Variants in ZNF490 observed in about 807,000 individuals in gnomAD.
ZNF490 encodes the protein zinc finger protein 490.
Under a neutral mutation model 17.7 loss-of-function variants are expected in ZNF490, and 11 were observed. The ratio of observed to expected loss-of-function variants is 0.62; its 90% CI spans 0.39 to 1.03. ZNF490 has a LOEUF of 1.03. Among genes scored for constraint, ZNF490 ranks in the 50% least tolerant of loss-of-function variants. ZNF490 has a pLI of 0.00. For missense variants in ZNF490, 542 were observed against 643.4 expected (o/e 0.84, Z 1.71); for synonymous variants, 222 against 216.1 (o/e 1.03, Z -0.24).
chr19:12,590,623 T>C (rs2022859147), intron 2 of ZNF490, among the ~76,000 whole-genome samples: 1 of 152,196 alleles, frequency 6.6e-6, no homozygotes, highest in Admixed American at 6.5e-5. Context: ...AAGCTGTCTA[T>C]CTGCATATGA....
chr19:12,590,522 C>A (rs1480894362), intron 2 of ZNF490, among the ~76,000 whole-genome samples: 1 of 151,968 alleles, frequency 6.6e-6, no homozygotes, highest in African/African-American at 2.4e-5. Flanking sequence ...GTGCCTGGCC[C>A]CTCTCACCAT....
chr19:12,582,710 A>T, intron 4 of ZNF490, 140 bp downstream of exon 4: 1 of 805,248 alleles, frequency 1.2e-6, no homozygotes, highest in Non-Finnish European at 2.1e-6. Flanking sequence ...GACAGTTTCA[A>T]TGAAACACCT....
At position 12,580,276 on chromosome 19, in the gene ZNF490, C is replaced by G; in HGVS notation, c.*209G>C. ...AGCTTTTCTGTCCATGGAGTCCATT[C>G]ACATATCTGCAATCCCGCAGGAGAG... On this transcript the variant is annotated 3_prime_UTR_variant, in exon 5 of 5. Transcript: ENST00000311437. 1 of 1,344,362 alleles carries G rather than the reference C, an allele frequency of 7.4e-7. No homozygotes were observed. The highest frequency in any genetic ancestry group is 9.5e-7 in the Non-Finnish European group (1 of 1,050,704). The allele number at this position is 1,344,362 out of a possible 1,614,324, so 83.3% of individuals were successfully genotyped here.
At position 12,580,876 on chromosome 19, in the gene ZNF490, T is replaced by G; in HGVS notation, c.1199A>C (p.Asn400Thr). 6.2e-7 allele frequency: 1 copy of G among 1,613,976 alleles called. No individual in the cohort carries two copies. The highest frequency in any genetic ancestry group is 1.3e-5 in the African/African-American group (1 of 75,014). Residue 400 changes from asparagine (N) to threonine (T), a missense_variant, in exon 5 of 5, where the codon AAT becomes ACT. Physicochemically the swap from Asn to Thr is moderately conservative, Grantham distance 65. Transcript: ENST00000311437. ...GTGCAACTGAAGGTAACTTGAAGAA[T>G]TGAAGGCTTTACCACATTGTTTACA... ...YECKQCGKAFNSSSYLQLHER... is the reference protein window; with the variant it reads ...YECKQCGKAFTSSSYLQLHER...
chr19:12,601,096 GA>G (rs561747666), intron 2 of ZNF490, among the ~76,000 whole-genome samples: 8 of 143,260 alleles, frequency 5.6e-5, no homozygotes, highest in East Asian at 4.2e-4. Flanking sequence ...AAAAAAAAAA[GA>G]AAAAAAAAAG....
intron 2 of ZNF490, among the ~76,000 whole-genome samples, chr19:12,592,565 G>C (rs1037509437): frequency 2.6e-5 from 4 of 152,114 alleles, no homozygotes; most frequent in Admixed American, 6.6e-5. Context: ...TTTGGGAAGA[G>C]GGAGGGACTA....
Position 12,581,303 on chromosome 19 carries a change from C to G in ZNF490, c.772G>C (p.Ala258Pro). 1 of 1,613,968 alleles carries G rather than the reference C, an allele frequency of 6.2e-7. No individual in the cohort carries two copies. Among genetic ancestry groups the G allele is most frequent in the African/African-American group, 1.3e-5 (1 of 74,974 alleles). Residue 258 changes from alanine to proline, a missense_variant, in exon 5 of 5, where the codon GCA becomes CCA. Ala to Pro is a conservative substitution (Grantham distance 27). Coordinates refer to ENST00000311437, the MANE Select transcript of ZNF490 (RefSeq NM_020714.3). ...CGAAGAGCAGTGAGATATCTGAATG[C>G]CTTCCCACATTCCTTACATTCATAG... ...TPYECKECGKAFRYLTALRRH... is the reference protein window; with the variant it reads ...TPYECKECGKPFRYLTALRRH...
intron 2 of ZNF490, 69 bp downstream of exon 2, chr19:12,609,086 TAGA>T (rs1221866897): frequency 1.3e-6 from 2 of 1,494,482 alleles, no homozygotes; most frequent in Non-Finnish European, 1.9e-6. Flanking sequence ...AAAGAGGTCA[TAGA>T]AGGACAGACC....
At chr19:12,603,853 G>T (rs898653950) in intron 2 of ZNF490, among the ~76,000 whole-genome samples, 1 of 151,694 alleles carries the variant, frequency 6.6e-6, no homozygotes, top group Non-Finnish European at 1.5e-5. Context: ...GTTCCAGAGT[G>T]ACAGGTGGAA....
intron 2 of ZNF490, among the ~76,000 whole-genome samples, chr19:12,606,507 G>A (rs1269372874): frequency 1.3e-5 from 2 of 151,638 alleles, no homozygotes; most frequent in Non-Finnish European, 2.9e-5. Context: ...ACCATGCCCC[G>A]CTAATTTTTT....
chr19:12,586,535 C>T (rs2022808435), intron 2 of ZNF490, among the ~76,000 whole-genome samples: 1 of 92,916 alleles, frequency 1.1e-5, no homozygotes, highest in South Asian at 2.8e-4. Context: ...AGCCTGTTTA[C>T]CTCAGTTCCT....
chr19:12,602,391 A>C (rs1036531090), intron 2 of ZNF490, among the ~76,000 whole-genome samples: 1 of 152,072 alleles, frequency 6.6e-6, no homozygotes, highest in Non-Finnish European at 1.5e-5. Flanking sequence ...TACCAAAAAA[A>C]TAAAAATAAT....
At position 12,577,875 on chromosome 19, in the gene ZNF490, TAAGAA is replaced by T. The variant is rs550746080; in HGVS notation, c.*2605_*2609del. 4.8e-3 allele frequency: 4,771 copies of T among 985,296 alleles called. 14 individuals are homozygous for T. The highest frequency in any genetic ancestry group is 5.2e-3 in the Non-Finnish European group (4,315 of 829,934). 61.0% of individuals were successfully genotyped at this position (985,296 alleles called of 1,614,324 possible). On this transcript the variant is annotated 3_prime_UTR_variant, in exon 5 of 5. Coordinates refer to ENST00000311437, the MANE Select transcript of ZNF490 (RefSeq NM_020714.3). ...TCCCTTCTAAAACACACTGACTTGC[TAAGAA>T]AAGGGGGGACTGACTCCAACAAAGG...
Position 12,580,545 on chromosome 19 carries a change from G to C in ZNF490, c.1530C>G (p.Ala510=). Residue 510 remains alanine (A), a synonymous_variant, in exon 5 of 5, where the codon GCC becomes GCG. Coordinates refer to ENST00000311437, the MANE Select transcript of ZNF490 (RefSeq NM_020714.3). ...RPFQCRQCGK[A]FSYSKSLHVH... is the part of the protein sequence containing the mutation. Reference sequence around the variant, plus strand: ...CGTGCAAAGACTTTGAGTAACTGAAGGCTTTACCACATTGTCTACACTGAA... The same window carrying C: ...CGTGCAAAGACTTTGAGTAACTGAACGCTTTACCACATTGTCTACACTGAA... 1 of 1,613,496 alleles carries C rather than the reference G, an allele frequency of 6.2e-7. No homozygotes were observed. Among genetic ancestry groups the C allele is most frequent in the Non-Finnish European group, 8.5e-7 (1 of 1,179,772 alleles).
At chr19:12,592,981 A>G (rs996338880) in intron 2 of ZNF490, among the ~76,000 whole-genome samples, 1 of 152,238 alleles carries the variant, frequency 6.6e-6, no homozygotes, top group African/African-American at 2.4e-5. Flanking sequence ...ATTTTATTTT[A>G]GTAAGCCTTT....
Position 12,602,127 on chromosome 19 carries a change from C to CACACACACACAT in ZNF490, c.162+7030_162+7031insATGTGTGTGTGT, listed in dbSNP as rs35798638. Among the ~76,000 whole-genome samples, 927 of 141,958 alleles carry CACACACACACAT rather than the reference C, an allele frequency of 6.5e-3. 17 individuals carry two copies. The highest frequency in any genetic ancestry group is 0.014 in the Admixed American group (192 of 14,070). 93.1% of individuals were successfully genotyped at this position (141,958 alleles called of 152,430 possible). On this transcript the variant is annotated intron_variant, in intron 2 of 4. Coordinates refer to ENST00000311437, the MANE Select transcript of ZNF490 (RefSeq NM_020714.3). ...ACACACACACACACACACACACACA[C>CACACACACACAT]ATATATGGGCCTATTTCTGGAATTT...
chr19:12,585,862 G>A (rs1339079591), intron 2 of ZNF490, among the ~76,000 whole-genome samples: 1 of 92,910 alleles, frequency 1.1e-5, no homozygotes, highest in Non-Finnish European at 2.9e-5. Flanking sequence ...GCTAATTTTT[G>A]TATTTTTAGT....
At position 12,581,502 on chromosome 19, in the gene ZNF490, C is replaced by A; in HGVS notation, c.573G>T (p.Glu191Asp). Residue 191 changes from glutamate to aspartate, a missense_variant, in exon 5 of 5, where the codon GAG becomes GAT. Transcript: ENST00000311437. ...CACATTCTTTGCATTTATGTGGCTT[C>A]TCTCCATATTCGTGACACTCATTTG... ...QKPNECHEYG[E>D]KPHKCKECGK... 6.2e-7 allele frequency: 1 copy of A among 1,614,184 alleles called. No individual in the cohort carries two copies. The highest frequency in any genetic ancestry group is 1.3e-5 in the African/African-American group (1 of 75,042).
At chr19:12,602,549 CA>C (rs2023020270) in intron 2 of ZNF490, among the ~76,000 whole-genome samples, 2 of 150,826 alleles carry the variant, frequency 1.3e-5, no homozygotes, top group African/African-American at 2.4e-5. Context: ...GACTCTGTCT[CA>C]AAAAAAGAAA....
Sources: allele counts gnomAD v4.1 joint callset (sites outside exome capture counted in the v4.1 genomes callset), GRCh38; gene constraint gnomAD v4.1.1; transcripts MANE v1.5; gene names NCBI Gene and HGNC (gene_info 2026-07-23, HGNC 2026-07-21).